The following SAMD12 variants were observed in gnomAD, a reference collection of about 807,000 sequenced individuals.
SAMD12 encodes the protein sterile alpha motif domain-containing protein 12.
SAMD12 carries 9 observed loss-of-function variants against 15.0 expected under a neutral mutation model. The observed-to-expected ratio is 0.60, with a 90% CI of 0.36 to 1.05. The LOEUF (loss-of-function observed/expected upper bound fraction) is 1.05. SAMD12 is among the 50% of genes least tolerant of loss of function. SAMD12 has a pLI of 0.01. For missense variants in SAMD12, 230 were observed against 234.2 expected (o/e 0.98, Z 0.12); for synonymous variants, 86 against 90.1 (o/e 0.96, Z 0.25).
chr8:118,509,335 T>C (rs577267859), intron 2 of SAMD12, among the ~76,000 whole-genome samples: 7 of 152,358 alleles, frequency 4.6e-5, no homozygotes, highest in Non-Finnish European at 8.8e-5. Context: ...CACATCTAAG[T>C]TGATTAAACT....
At chr8:118,529,465 A>G (rs922267865) in intron 2 of SAMD12, among the ~76,000 whole-genome samples, 1 of 152,196 alleles carries the variant, frequency 6.6e-6, no homozygotes, top group African/African-American at 2.4e-5. Flanking sequence ...ATAGTGGTGA[A>G]GTCTGGGCTT....
the SAMD12 span, among the ~76,000 whole-genome samples, chr8:118,155,578 G>T: frequency 6.6e-6 from 1 of 152,340 alleles, no homozygotes; most frequent in Non-Finnish European, 1.5e-5. Context: ...AACCTGGACT[G>T]TATTGGAAAT....
intron 3 of SAMD12, among the ~76,000 whole-genome samples, chr8:118,431,192 C>T (rs187196232): frequency 6.6e-6 from 1 of 152,144 alleles, no homozygotes; most frequent in Admixed American, 6.5e-5. Context: ...TCCCTTGTGG[C>T]ATTGCTGTTA....
chr8:118,322,278 T>A (rs946732131), intron 4 of SAMD12, among the ~76,000 whole-genome samples: 22 of 152,248 alleles, frequency 1.4e-4, no homozygotes, highest in Non-Finnish European at 3.1e-4. Context: ...TTGGTTCTTA[T>A]GTCTGTAGTG....
At chr8:118,494,831 T>G (rs1804114346) in intron 2 of SAMD12, among the ~76,000 whole-genome samples, 1 of 152,196 alleles carries the variant, frequency 6.6e-6, no homozygotes, top group Non-Finnish European at 1.5e-5. Context: ...CTCAGCATAG[T>G]GTCCCACACA....
chr8:118,283,567 G>A (rs1813766967), intron 4 of SAMD12, among the ~76,000 whole-genome samples: 1 of 152,148 alleles, frequency 6.6e-6, no homozygotes, highest in Admixed American at 6.5e-5. Flanking sequence ...CGGCACATAA[G>A]ATGAAGCCAT....
chr8:118,469,545 T>TATAAATTATA (rs376346512), intron 2 of SAMD12, among the ~76,000 whole-genome samples: 25 of 2,168 alleles, frequency 0.012, no homozygotes, highest in African/African-American at 0.017. Flanking sequence ...ATATATTATA[T>TATAAATTATA]TATTATATAT....
At chr8:118,158,942 T>C in the SAMD12 span, among the ~76,000 whole-genome samples, 1 of 152,078 alleles carries the variant, frequency 6.6e-6, no homozygotes, top group Non-Finnish European at 1.5e-5. Flanking sequence ...AGCACCTCTT[T>C]GCCTTGCTCA....
intron 3 of SAMD12, among the ~76,000 whole-genome samples, chr8:118,398,260 A>G (rs1480787278): frequency 6.6e-6 from 1 of 152,140 alleles, no homozygotes; most frequent in Non-Finnish European, 1.5e-5. Context: ...TTAGCTGGGC[A>G]TGGTGGCACA....
intron 4 of SAMD12, among the ~76,000 whole-genome samples, chr8:118,266,316 G>T (rs1308739446): frequency 6.6e-6 from 1 of 152,128 alleles, no homozygotes; most frequent in Non-Finnish European, 1.5e-5. Context: ...CTGTCAGAAT[G>T]GCTATTATTA....
At chr8:118,272,714 T>C (rs982818799) in intron 4 of SAMD12, among the ~76,000 whole-genome samples, 3 of 152,194 alleles carry the variant, frequency 2.0e-5, no homozygotes, top group Admixed American at 1.3e-4. Flanking sequence ...TGTAAAATAC[T>C]GCCAGTCCCT....
chr8:118,472,377 C>T (rs975918148), intron 2 of SAMD12, among the ~76,000 whole-genome samples: 2 of 151,990 alleles, frequency 1.3e-5, no homozygotes, highest in African/African-American at 4.8e-5. Context: ...AAGCCTGTCA[C>T]ACAGCTGAGT....
the SAMD12 span, among the ~76,000 whole-genome samples, chr8:118,164,655 G>T: frequency 1.3e-5 from 2 of 151,950 alleles, no homozygotes; most frequent in Non-Finnish European, 2.9e-5. Flanking sequence ...ACTGACCAGG[G>T]CTCATGTCTC....
intron 2 of SAMD12, among the ~76,000 whole-genome samples, chr8:118,532,496 T>G (rs1387724987): frequency 1.3e-5 from 2 of 152,224 alleles, no homozygotes; most frequent in Non-Finnish European, 2.9e-5. Flanking sequence ...TTGATTGGAA[T>G]AGTTTCAGAA....
intron 1 of SAMD12, among the ~76,000 whole-genome samples, chr8:118,606,602 A>G (rs938473067): frequency 1.7e-4 from 25 of 150,124 alleles, no homozygotes; most frequent in African/African-American, 5.3e-4. Flanking sequence ...GAAAAGAAAA[A>G]AAAACATCCC....
intron 4 of SAMD12, among the ~76,000 whole-genome samples, chr8:118,337,308 T>G (rs1367859281): frequency 2.6e-5 from 4 of 152,158 alleles, no homozygotes; most frequent in East Asian, 3.9e-4. Context: ...CCAGCTCAGC[T>G]TTTGCACATC....
intron 2 of SAMD12, among the ~76,000 whole-genome samples, chr8:118,485,041 C>G (rs1824238561): frequency 6.6e-6 from 1 of 152,132 alleles, no homozygotes; most frequent in African/African-American, 2.4e-5. Flanking sequence ...ACAATTGCAC[C>G]ATCATGATCT....
At chr8:118,343,391 C>T (rs1436787018) in intron 4 of SAMD12, among the ~76,000 whole-genome samples, 1 of 81,624 alleles carries the variant, frequency 1.2e-5, no homozygotes, top group Non-Finnish European at 2.3e-5. Flanking sequence ...GGGACAGATG[C>T]TAACCAGAAA....
intron 2 of SAMD12, among the ~76,000 whole-genome samples, chr8:118,573,100 T>C (rs933423260): frequency 1.3e-5 from 2 of 152,190 alleles, no homozygotes; most frequent in African/African-American, 4.8e-5. Flanking sequence ...TCTTTTCTTT[T>C]TGAGGGGGAG....
Sources: allele counts gnomAD v4.1 joint callset (sites outside exome capture counted in the v4.1 genomes callset), GRCh38; gene constraint gnomAD v4.1.1; transcripts MANE v1.5; gene names NCBI Gene and HGNC (gene_info 2026-07-23, HGNC 2026-07-21).